Variants in CRADD observed in about 807,000 individuals in gnomAD.
CRADD encodes the protein death domain-containing protein CRADD.
In CRADD, 9 loss-of-function variants were observed where a neutral mutation model predicts 15.5. The ratio of observed to expected loss-of-function variants is 0.58; its 90% CI spans 0.35 to 1.01. The LOEUF is 1.01. Among genes scored for constraint, CRADD ranks in the 50% least tolerant of loss-of-function variants. The probability of loss-of-function intolerance (pLI) is 0.02; values close to 1 mark genes in which losing one functional copy is unlikely to be tolerated. For synonymous variants in CRADD, 118 were observed against 107.6 expected (o/e 1.10, Z -0.60); for missense variants, 227 against 250.3 (o/e 0.91, Z 0.63).
chr12:93,710,960 G>C (rs1956055373), intron 2 of CRADD, among the ~76,000 whole-genome samples: 2 of 151,636 alleles, frequency 1.3e-5, no homozygotes. Context: ...ATTGTTTATA[G>C]AGTGAATTGC....
intron 2 of CRADD, among the ~76,000 whole-genome samples, chr12:93,868,395 A>T (rs1958388870): frequency 6.6e-6 from 1 of 152,156 alleles, no homozygotes; most frequent in East Asian, 1.9e-4. Context: ...TTCATAACCT[A>T]TAACTCCATT....
chr12:93,744,334 C>T (rs1442305935), intron 2 of CRADD, among the ~76,000 whole-genome samples: 1 of 152,178 alleles, frequency 6.6e-6, no homozygotes, highest in East Asian at 1.9e-4. Flanking sequence ...TGGCTGTTAC[C>T]AAGGGTCTTC....
chr12:93,746,405 G>A (rs1383998526), intron 2 of CRADD, among the ~76,000 whole-genome samples: 1 of 152,124 alleles, frequency 6.6e-6, no homozygotes, highest in Non-Finnish European at 1.5e-5. Context: ...ATTCCAATAT[G>A]CTCCTCAGCA....
chr12:93,770,340 G>T (rs545983520), intron 2 of CRADD, among the ~76,000 whole-genome samples: 3 of 151,748 alleles, frequency 2.0e-5, no homozygotes, highest in Admixed American at 6.6e-5. Flanking sequence ...CTCGTGATCC[G>T]CCCGCCTCGG....
At chr12:93,845,649 A>C (rs1204405721) in intron 2 of CRADD, among the ~76,000 whole-genome samples, 1 of 151,954 alleles carries the variant, frequency 6.6e-6, no homozygotes, top group Non-Finnish European at 1.5e-5. Flanking sequence ...CTATAAGAAA[A>C]CCCAGTCCTA....
rs1229259896 is a variant in CRADD, at chr12:93,683,110, C to G, written c.298+4038C>G. Among the ~76,000 whole-genome samples, 4 of 152,190 alleles carry G rather than the reference C, an allele frequency of 2.6e-5. No homozygotes were observed. In the East Asian group the frequency reaches 7.7e-4, roughly 29 times the overall value. Reference sequence around the variant, plus strand: ...CCTGCCTGCCTGGCTTCTCACTGCTCATGGGGCCTGTCGGCACTGACAGGC... The same window carrying G: ...CCTGCCTGCCTGGCTTCTCACTGCTGATGGGGCCTGTCGGCACTGACAGGC... On this transcript the variant is annotated intron_variant, in intron 2 of 2. Coordinates refer to ENST00000332896, the MANE Select transcript of CRADD (RefSeq NM_003805.5).
intron 2 of CRADD, among the ~76,000 whole-genome samples, chr12:93,688,054 A>G (rs1384554634): frequency 6.6e-6 from 1 of 152,218 alleles, no homozygotes; most frequent in Non-Finnish European, 1.5e-5. Context: ...CTGCTGAAGA[A>G]CGAGTTGGAT....
chr12:93,741,237 C>T (rs1956661925), intron 2 of CRADD, among the ~76,000 whole-genome samples: 1 of 152,176 alleles, frequency 6.6e-6, no homozygotes, highest in South Asian at 2.1e-4. Flanking sequence ...AGTTTTATTG[C>T]TTTCATGCTT....
At chr12:93,711,034 A>ACCCCCCC (rs1374301787) in intron 2 of CRADD, among the ~76,000 whole-genome samples, 1 of 36,482 alleles carries the variant, frequency 2.7e-5, no homozygotes, top group African/African-American at 1.0e-4. Flanking sequence ...GCCCCCCTCC[A>ACCCCCCC]CCCCACCCTC....
chr12:93,781,566 G>A (rs1290503696), intron 2 of CRADD, among the ~76,000 whole-genome samples: 1 of 152,216 alleles, frequency 6.6e-6, no homozygotes, highest in Non-Finnish European at 1.5e-5. Flanking sequence ...CCACGGATCA[G>A]TCTCCATATC....
chr12:93,879,365 C>T (rs1050386910), intron 2 of CRADD, among the ~76,000 whole-genome samples: 1 of 152,142 alleles, frequency 6.6e-6, no homozygotes, highest in Non-Finnish European at 1.5e-5. Context: ...ATTTAATTCT[C>T]TACTCATTCA....
At chr12:93,790,605 G>T (rs556626203) in intron 2 of CRADD, 1 of 152,068 alleles carries the variant, frequency 6.6e-6, no homozygotes, top group Non-Finnish European at 1.5e-5. Context: ...GTTTTATATG[G>T]TTCTTGATGG....
chr12:93,705,201 T>G (rs780563735), intron 2 of CRADD, among the ~76,000 whole-genome samples: 3 of 152,190 alleles, frequency 2.0e-5, no homozygotes, highest in Non-Finnish European at 4.4e-5. Flanking sequence ...CCATCAATAA[T>G]TATGTGTTGA....
intron 2 of CRADD, among the ~76,000 whole-genome samples, chr12:93,774,751 T>G (rs906885831): frequency 3.3e-5 from 5 of 152,196 alleles, no homozygotes; most frequent in African/African-American, 1.2e-4. Flanking sequence ...TAGCTTTTCT[T>G]TAGTCCCCTC....
At chr12:93,859,205 G>T (rs1478869545) in intron 2 of CRADD, 1 of 426,954 alleles carries the variant, frequency 2.3e-6, no homozygotes. Flanking sequence ...TATTTTTAGG[G>T]TTAATGTAAG....
chr12:93,782,657 A>G (rs906103940), intron 2 of CRADD, among the ~76,000 whole-genome samples: 10 of 151,830 alleles, frequency 6.6e-5, no homozygotes, highest in Admixed American at 1.3e-4. Context: ...TCTTGTTTGG[A>G]ACTTGATTTG....
At chr12:93,863,386 G>A (rs1958333293) in intron 2 of CRADD, among the ~76,000 whole-genome samples, 1 of 152,064 alleles carries the variant, frequency 6.6e-6, no homozygotes, top group Non-Finnish European at 1.5e-5. Flanking sequence ...GCTTACTGTG[G>A]TGCCTCCCCA....
intron 2 of CRADD, chr12:93,714,498 G>T (rs989426544): frequency 3.3e-5 from 5 of 152,234 alleles, no homozygotes; most frequent in Non-Finnish European, 1.5e-5. Context: ...AGTTAGGAAT[G>T]TGCTTGGCAA....
At chr12:93,749,743 C>T (rs1021986732) in intron 2 of CRADD, among the ~76,000 whole-genome samples, 1 of 152,146 alleles carries the variant, frequency 6.6e-6, no homozygotes. Context: ...TCCCAACACG[C>T]CCATCATTTG....
Sources: gnomAD v4.1 joint callset for allele counts (sites outside exome capture counted in the v4.1 genomes callset) on GRCh38, gnomAD v4.1.1 for gene constraint, MANE v1.5 for transcripts, NCBI Gene and HGNC (gene_info 2026-07-23, HGNC 2026-07-21) for gene names.